NETO2: variants seen among roughly 807,000 people sequenced by gnomAD.
NETO2 encodes the protein neuropilin and tolloid like 2.
Under a neutral mutation model 62.5 loss-of-function variants are expected in NETO2, and 28 were observed. The ratio of observed to expected loss-of-function variants is 0.45; its 90% CI spans 0.33 to 0.61. NETO2 has a LOEUF of 0.61. NETO2 is among the 20% of genes least tolerant of loss of function. The pLI, the probability that NETO2 is intolerant of heterozygous loss-of-function variation, is 0.02. For synonymous variants in NETO2, 214 were observed against 219.1 expected (o/e 0.98, Z 0.21); for missense variants, 548 against 643.2 (o/e 0.85, Z 1.60).
At position 47,080,684 on chromosome 16, in the gene NETO2, G is replaced by A. The variant is rs1011311221; in HGVS notation, c.*2537C>T. 2 of 152,146 alleles carry A rather than the reference G, an allele frequency of 1.3e-5. No homozygotes were observed. The highest frequency in any genetic ancestry group is 4.8e-5 in the African/African-American group (2 of 41,434). The allele number at this position is 152,146 out of a possible 1,614,324, so 9.4% of individuals were successfully genotyped here. ...ACAGGCTAAGGCTGGCTTAGCTATT[G>A]ATCATCTGGTTCTTTAGTTCTATCC... On this transcript the variant is annotated 3_prime_UTR_variant, in exon 9 of 9. Transcript: ENST00000562435.
intron 1 of NETO2, among the ~76,000 whole-genome samples, chr16:47,133,604 C>CATAAAATAAAATAAA (rs138640228): frequency 1.5e-3 from 200 of 135,816 alleles, no homozygotes; most frequent in African/African-American, 5.1e-3. Flanking sequence ...AATGACATAA[C>CATAAAATAAAATAAA]ATAAAATAAA....
chr16:47,115,723 A>ATATATATATG (rs1274234449), intron 6 of NETO2, among the ~76,000 whole-genome samples: 1 of 140,102 alleles, frequency 7.1e-6, no homozygotes, highest in African/African-American at 2.9e-5. Flanking sequence ...ACATATATAT[A>ATATATATATG]TATATATACA....
chr16:47,124,795 T>C (rs1395185464), intron 4 of NETO2, among the ~76,000 whole-genome samples: 1 of 152,186 alleles, frequency 6.6e-6, no homozygotes, highest in African/African-American at 2.4e-5. Flanking sequence ...TAAAATAAAA[T>C]ATTACATAAT....
At chr16:47,129,535 A>G (rs1483390037) in intron 2 of NETO2, among the ~76,000 whole-genome samples, 171 bp from the exon 3 acceptor site, 2 of 152,216 alleles carry the variant, frequency 1.3e-5, no homozygotes, top group South Asian at 2.1e-4. Context: ...AAAGAGAGGG[A>G]GGGAAAACTT....
chr16:47,129,238 A>C lies in NETO2; in HGVS notation c.218T>G (p.Ile73Ser). Residue 73 changes from isoleucine (I) to serine (S), a missense_variant, in exon 3 of 9, where the codon ATC (isoleucine) becomes AGC (serine). By Grantham distance (142) the Ile-to-Ser change is moderately radical (BLOSUM62 -2). Coordinates refer to ENST00000562435, the MANE Select transcript of NETO2 (RefSeq NM_018092.5). ...CGTTCAAATACCTTCCAAAATGTAG[A>C]TACACTCCTTGTTTGGTGGATATGA... is the stretch of plus-strand genomic sequence containing the variant. ...PDSYPPNKEC[I>S]YILEAAPRQR... 6.2e-7 allele frequency: 1 copy of C among 1,614,062 alleles called. No homozygotes were observed. The highest frequency in any genetic ancestry group is 8.5e-7 in the Non-Finnish European group (1 of 1,179,930).
intron 1 of NETO2, among the ~76,000 whole-genome samples, chr16:47,133,445 C>T (rs1031524739): frequency 6.6e-6 from 1 of 151,508 alleles, no homozygotes; most frequent in African/African-American, 2.4e-5. Context: ...ATAGTCCTAG[C>T]CACTTGGGAG....
intron 4 of NETO2, among the ~76,000 whole-genome samples, 165 bp from the exon 5 acceptor site, chr16:47,123,077 A>C (rs1567395232): frequency 6.6e-6 from 1 of 152,212 alleles, no homozygotes; most frequent in Non-Finnish European, 1.5e-5. Flanking sequence ...CAGGATTGAC[A>C]TTTATTTAAT....
rs1392158615 is a variant in NETO2 at position 47,109,669 on chromosome 16, CATTT to C, written c.693_696del (p.Glu233AlafsTer18). The C allele has an allele frequency of 1.2e-6, 2 of 1,613,964 alleles. No homozygotes were observed. Among genetic ancestry groups the C allele is most frequent in the Admixed American group, 1.7e-5 (1 of 60,026 alleles). On this transcript the variant is annotated frameshift_variant, in exon 7 of 9. Coordinates refer to ENST00000562435, the MANE Select transcript of NETO2 (RefSeq NM_018092.5). LOFTEE classifies it high-confidence loss of function. The stretch of plus-strand genomic sequence containing the variant: ...ACTGCAACGAAGTTTCTCTTGCATT[CATTT>C]GAGTGCTCCATTTGATAATCTAGGA...
At chr16:47,115,477 GTTTTCTTAAT>G (rs1963891437) in intron 6 of NETO2, among the ~76,000 whole-genome samples, 1 of 150,120 alleles carries the variant, frequency 6.7e-6, no homozygotes, top group African/African-American at 2.4e-5. Flanking sequence ...AAATGGTACT[GTTTTCTTAAT>G]TTTGAACTAC....
At chr16:47,106,084 G>A (rs1213894866) in intron 7 of NETO2, among the ~76,000 whole-genome samples, 2 of 152,032 alleles carry the variant, frequency 1.3e-5, no homozygotes, top group African/African-American at 4.8e-5. Flanking sequence ...CCTTAAAAAA[G>A]AATACAATTC....
At chr16:47,136,124 T>C (rs1374377772) in intron 1 of NETO2, among the ~76,000 whole-genome samples, 1 of 152,192 alleles carries the variant, frequency 6.6e-6, no homozygotes, top group African/African-American at 2.4e-5. Flanking sequence ...CTTGAAGACT[T>C]TGTTATACTG....
In NETO2 at chr16:47,105,213, C is replaced by G. The variant is rs185285703; in HGVS notation, c.883+4270G>C. Among the ~76,000 whole-genome samples the G allele has an allele frequency of 5.1e-4, 78 of 152,074 alleles. No individual in the cohort carries two copies. The East Asian group carries it at 0.011, about 21-fold the overall frequency. ...GTGCCCAGATCTAATTGATTTTTGA[C>G]AGGGGTGCCAAGACCATTCAATAGG... On this transcript the variant is annotated intron_variant, in intron 7 of 8. Coordinates refer to ENST00000562435, the MANE Select transcript of NETO2 (RefSeq NM_018092.5).
intron 6 of NETO2, among the ~76,000 whole-genome samples, chr16:47,120,651 T>C (rs1172511856): frequency 2.6e-5 from 4 of 152,220 alleles, no homozygotes; most frequent in Non-Finnish European, 4.4e-5. Context: ...GGCCACTGCC[T>C]TCATTCTTAA....
chr16:47,079,557 T>G lies in NETO2; in HGVS notation c.*3664A>C, dbSNP rs1033470361. On this transcript the variant is annotated 3_prime_UTR_variant, in exon 9 of 9. Transcript: ENST00000562435. ...TTGCAGTGAGCCGAGATCGCGCCAC[T>G]GCACTCCAGCCTGGGCGACAGAGCG... 1 of 152,394 alleles carries G rather than the reference T, an allele frequency of 6.6e-6. No individual in the cohort carries two copies. The allele number at this position is 152,394 out of a possible 1,614,324, so 9.4% of individuals were successfully genotyped here. A position where few individuals can be genotyped will look rare whatever the true frequency, so the allele number is the denominator to read the frequency against.
At chr16:47,099,491 G>A (rs1283169489) in intron 7 of NETO2, among the ~76,000 whole-genome samples, 1 of 152,160 alleles carries the variant, frequency 6.6e-6, no homozygotes, top group African/African-American at 2.4e-5. Flanking sequence ...TGGGCTAAAT[G>A]CCCCCAATTA....
rs375193541 is a variant in NETO2 at position 47,122,955 on chromosome 16, T to C, written c.482-43A>G. 86 of 1,569,374 alleles carry C rather than the reference T, an allele frequency of 5.5e-5. 1 individual carries two copies. The East Asian group carries it at 9.0e-4, about 16-fold the overall frequency. On this transcript the variant is annotated intron_variant, in intron 4 of 8. Coordinates refer to ENST00000562435, the MANE Select transcript of NETO2 (RefSeq NM_018092.5). ...AGAAAGTCATTGGTACTGAGATAGT[T>C]ACTTTAATCCTCGATGTCTTACATT...
chr16:47,088,121 T>G (rs931922708), intron 7 of NETO2, among the ~76,000 whole-genome samples: 1 of 152,194 alleles, frequency 6.6e-6, no homozygotes, highest in Admixed American at 6.5e-5. Context: ...TCTTTTTTTT[T>G]GGAGATGGAG....
At chr16:47,120,886 T>G (rs1964024842) in intron 6 of NETO2, among the ~76,000 whole-genome samples, 1 of 152,196 alleles carries the variant, frequency 6.6e-6, no homozygotes, top group Non-Finnish European at 1.5e-5. Flanking sequence ...TCATTAGTTC[T>G]TGAAATTTTT....
intron 7 of NETO2, among the ~76,000 whole-genome samples, chr16:47,094,334 A>G (rs1342218116): frequency 1.3e-5 from 2 of 151,080 alleles, no homozygotes; most frequent in Admixed American, 1.3e-4. Flanking sequence ...GCAAAGAAAT[A>G]TAACAGAAAC....
Sources: allele counts gnomAD v4.1 joint callset (sites outside exome capture counted in the v4.1 genomes callset), GRCh38; gene constraint gnomAD v4.1.1; transcripts MANE v1.5; gene names NCBI Gene and HGNC (gene_info 2026-07-23, HGNC 2026-07-21).